CADM2: variants seen among roughly 807,000 people sequenced by gnomAD.
The protein encoded by CADM2 is cell adhesion molecule 2.
Under a neutral mutation model 49.8 loss-of-function variants are expected in CADM2, and 12 were observed. The observed-to-expected ratio is 0.24, with a 90% confidence interval of 0.15 to 0.39. The LOEUF is 0.39. Among genes scored for constraint, CADM2 ranks in the 10% least tolerant of loss-of-function variants. CADM2 has a pLI of 1.00. For missense variants in CADM2, 378 were observed against 492.3 expected (o/e 0.77, Z 2.20); for synonymous variants, 214 against 175.4 (o/e 1.22, Z -1.74).
chr3:85,759,643 A>G (rs1156976511), intron 2 of CADM2, among the ~76,000 whole-genome samples: 1 of 152,132 alleles, frequency 6.6e-6, no homozygotes, highest in Non-Finnish European at 1.5e-5. Context: ...TTTGCTTTAT[A>G]TTTCACTGAC....
chr3:85,847,674 G>A (rs2074938433), intron 3 of CADM2, among the ~76,000 whole-genome samples: 1 of 151,990 alleles, frequency 6.6e-6, no homozygotes, highest in Non-Finnish European at 1.5e-5. Context: ...AGAAAGAGTG[G>A]AAGAATTGGC....
intron 6 of CADM2, among the ~76,000 whole-genome samples, chr3:85,934,743 G>A (rs1044082771): frequency 3.3e-5 from 5 of 151,824 alleles, no homozygotes; most frequent in Admixed American, 6.6e-5. Context: ...TACACAATCG[G>A]TAGTAACTCA....
At chr3:85,026,206 A>G (rs1020100640) in intron 1 of CADM2, among the ~76,000 whole-genome samples, 3 of 152,208 alleles carry the variant, frequency 2.0e-5, no homozygotes, top group Non-Finnish European at 2.9e-5. Context: ...TTATACATTG[A>G]CTTCCAAAAA....
chr3:85,986,804 AC>A (rs1346168764), intron 8 of CADM2, among the ~76,000 whole-genome samples: 3 of 152,074 alleles, frequency 2.0e-5, no homozygotes, highest in Non-Finnish European at 4.4e-5. Flanking sequence ...GGTACTTTCA[AC>A]CTTGCTGCGA....
chr3:84,975,619 C>T (rs981735913), intron 1 of CADM2, among the ~76,000 whole-genome samples: 3 of 151,716 alleles, frequency 2.0e-5, no homozygotes, highest in African/African-American at 4.8e-5. Flanking sequence ...TTATTTCTCA[C>T]ATAATAAATC....
At chr3:85,241,970 G>A (rs1266762007) in intron 1 of CADM2, among the ~76,000 whole-genome samples, 1 of 151,166 alleles carries the variant, frequency 6.6e-6, no homozygotes, top group African/African-American at 2.4e-5. Context: ...TGATCCAGCT[G>A]ATATTAATAG....
chr3:85,155,215 C>G (rs1193479703), intron 1 of CADM2, among the ~76,000 whole-genome samples: 1 of 149,742 alleles, frequency 6.7e-6, no homozygotes, highest in Non-Finnish European at 1.5e-5. Flanking sequence ...CAGAGACACA[C>G]ATAGGCTCAA....
chr3:85,857,803 T>C (rs1188793389), intron 3 of CADM2, among the ~76,000 whole-genome samples: 2 of 152,136 alleles, frequency 1.3e-5, no homozygotes, highest in Non-Finnish European at 2.9e-5. Flanking sequence ...TAGTTCAAAT[T>C]TAATTGAATT....
At chr3:85,307,620 A>G (rs2044245725) in intron 1 of CADM2, among the ~76,000 whole-genome samples, 3 of 151,776 alleles carry the variant, frequency 2.0e-5, no homozygotes, top group African/African-American at 7.2e-5. Flanking sequence ...GTTCTTTGTT[A>G]AGATAATGCT....
chr3:85,469,754 T>C lies in CADM2; in HGVS notation c.62-256768T>C, dbSNP rs1436604329. On this transcript the variant is annotated intron_variant, in intron 1 of 9. Coordinates refer to ENST00000383699, the MANE Select transcript of CADM2 (RefSeq NM_001167675.2). Reference sequence around the variant, plus strand: ...AGAAAAAAACTCCTGTCCTTCCAAGTAGGCTAAAATTGACTGTAGTATGTT... The same window carrying C: ...AGAAAAAAACTCCTGTCCTTCCAAGCAGGCTAAAATTGACTGTAGTATGTT... 2.0e-5 allele frequency among the ~76,000 whole-genome samples: 3 copies of C among 152,158 alleles called. No homozygotes were observed. In the East Asian group the frequency reaches 5.8e-4, roughly 29 times the overall value.
chr3:85,120,644 A>G (rs1001485124), intron 1 of CADM2, among the ~76,000 whole-genome samples: 1 of 152,050 alleles, frequency 6.6e-6, no homozygotes, highest in African/African-American at 2.4e-5. Flanking sequence ...ACATGGACAT[A>G]GGGAGGGGAA....
At chr3:85,114,195 GTTA>G (rs1413114153) in intron 1 of CADM2, among the ~76,000 whole-genome samples, 2 of 151,872 alleles carry the variant, frequency 1.3e-5, no homozygotes, top group Non-Finnish European at 2.9e-5. Flanking sequence ...ATAGGTGTGT[GTTA>G]GGGGCTGGAT....
chr3:85,001,755 C>A (rs1436492429), intron 1 of CADM2, among the ~76,000 whole-genome samples: 1 of 151,936 alleles, frequency 6.6e-6, no homozygotes, highest in Non-Finnish European at 1.5e-5. Flanking sequence ...ATATTAAGTA[C>A]CTTAAAACAT....
chr3:85,048,076 T>G (rs890383697), intron 1 of CADM2, among the ~76,000 whole-genome samples: 1 of 152,140 alleles, frequency 6.6e-6, no homozygotes, highest in African/African-American at 2.4e-5. Flanking sequence ...CCAAATACTT[T>G]TTTTTCAAGG....
intron 1 of CADM2, among the ~76,000 whole-genome samples, chr3:85,681,906 T>C (rs542165962): frequency 6.6e-6 from 1 of 152,276 alleles, no homozygotes; most frequent in South Asian, 2.1e-4. Flanking sequence ...TTCACACAGA[T>C]AGCTTGTTTT....
intron 1 of CADM2, among the ~76,000 whole-genome samples, chr3:85,558,839 A>G (rs937191307): frequency 1.3e-5 from 2 of 152,098 alleles, no homozygotes; most frequent in Non-Finnish European, 2.9e-5. Context: ...CACCAAAACA[A>G]TCATGGAGAG....
At chr3:85,116,829 A>C (rs76229151) in intron 1 of CADM2, among the ~76,000 whole-genome samples, 1 of 152,078 alleles carries the variant, frequency 6.6e-6, no homozygotes, top group African/African-American at 2.4e-5. Context: ...TAAAAAAATC[A>C]TGTTCTTACC....
At chr3:85,810,582 C>T (rs905369355) in intron 3 of CADM2, among the ~76,000 whole-genome samples, 14 of 144,524 alleles carry the variant, frequency 9.7e-5, no homozygotes, top group Non-Finnish European at 1.5e-4. Flanking sequence ...CTTCGTCACC[C>T]AGGCTGGAGT....
intron 1 of CADM2, among the ~76,000 whole-genome samples, chr3:85,118,989 T>G (rs985359822): frequency 1.3e-5 from 2 of 152,150 alleles, no homozygotes; most frequent in South Asian, 4.1e-4. Flanking sequence ...CCTCAGGTGA[T>G]CCATCCATCT....
Sources: gnomAD v4.1 joint callset for allele counts (sites outside exome capture counted in the v4.1 genomes callset) on GRCh38, gnomAD v4.1.1 for gene constraint, MANE v1.5 for transcripts, NCBI Gene and HGNC (gene_info 2026-07-23, HGNC 2026-07-21) for gene names.